PALLD: variants seen among roughly 807,000 people sequenced by gnomAD.
PALLD encodes palladin.
Under a neutral mutation model 123.5 loss-of-function variants are expected in PALLD, and 61 were observed. The observed-to-expected ratio is 0.49, with a 90% CI of 0.40 to 0.61. The LOEUF (loss-of-function observed/expected upper bound fraction) is 0.61, where lower values mean the gene tolerates loss of function less well. Ranked by LOEUF, PALLD falls within the 20% of genes least tolerant of loss-of-function variation. The probability of loss-of-function intolerance (pLI) is 0.00; values close to 1 mark genes in which losing one functional copy is unlikely to be tolerated. For missense variants in PALLD, 1,273 were observed against 1,377.0 expected (o/e 0.92, Z 1.20); for synonymous variants, 465 against 496.4 (o/e 0.94, Z 0.84).
At chr4:168,689,409 C>T (rs1303096963) in intron 6 of PALLD, among the ~76,000 whole-genome samples, 1 of 143,892 alleles carries the variant, frequency 6.9e-6, no homozygotes, top group Non-Finnish European at 1.5e-5. Flanking sequence ...GAGAGTCCTA[C>T]ACCTTACATT....
intron 10 of PALLD, among the ~76,000 whole-genome samples, chr4:168,849,615 G>A (rs367832566): frequency 9.2e-5 from 14 of 152,142 alleles, no homozygotes; most frequent in African/African-American, 2.7e-4. Flanking sequence ...TAATATTCAC[G>A]TTTTATCATT....
At chr4:168,630,256 C>T (rs1378339902) in intron 2 of PALLD, among the ~76,000 whole-genome samples, 2 of 152,152 alleles carry the variant, frequency 1.3e-5, no homozygotes, top group Non-Finnish European at 2.9e-5. Flanking sequence ...GTATTCGGCT[C>T]TTGTTATTCA....
At chr4:168,740,296 G>A (rs1352136072) in intron 10 of PALLD, among the ~76,000 whole-genome samples, 2 of 152,138 alleles carry the variant, frequency 1.3e-5, no homozygotes, top group Non-Finnish European at 2.9e-5. Flanking sequence ...CCTTCTGAAT[G>A]CACTTTTTGA....
chr4:168,878,681 A>AGG (rs141771677), intron 10 of PALLD, among the ~76,000 whole-genome samples: 2 of 112,904 alleles, frequency 1.8e-5, no homozygotes, highest in Admixed American at 8.5e-5. Context: ...CTTAATCATT[A>AGG]TGGGGGGGGG....
At position 168,675,391 on chromosome 4, in the gene PALLD, G is replaced by A. The variant is rs372797547; in HGVS notation, c.1088-5941G>A. 4.6e-4 allele frequency among the ~76,000 whole-genome samples: 70 copies of A among 152,286 alleles called. 1 individual carries two copies. The South Asian group carries it at 0.013, about 29-fold the overall frequency. On this transcript the variant is annotated intron_variant, in intron 3 of 21. Coordinates refer to ENST00000505667, the MANE Select transcript of PALLD (RefSeq NM_001166108.2). ...TGCCCCTTTGAAGTGACATTGTGAA[G>A]CGTGCTGTGATGTGAAATGTGGAAT... is the stretch of plus-strand genomic sequence containing the variant.
At chr4:168,905,790 CTTTTTTTTTTTTT>C (rs59427697) in intron 15 of PALLD, among the ~76,000 whole-genome samples, 18 of 113,132 alleles carry the variant, frequency 1.6e-4, no homozygotes, top group Middle Eastern at 0.011. Context: ...GCTTTTTTTT[CTTTTTTTTTTTTT>C]TTTTTTTCTT....
At chr4:168,690,987 T>C (rs1782567000) in intron 7 of PALLD, among the ~76,000 whole-genome samples, 1 of 152,236 alleles carries the variant, frequency 6.6e-6, no homozygotes, top group Non-Finnish European at 1.5e-5. Context: ...CAAATTTGCA[T>C]GAATAATTTT....
intron 10 of PALLD, among the ~76,000 whole-genome samples, chr4:168,786,540 C>T (rs762127522): frequency 3.1e-4 from 47 of 152,062 alleles, no homozygotes; most frequent in Non-Finnish European, 5.6e-4. Context: ...ATTATCCAGG[C>T]ATGGTGGTTC....
chr4:168,912,463 A>C (rs1759172154), intron 15 of PALLD, among the ~76,000 whole-genome samples: 1 of 152,246 alleles, frequency 6.6e-6, no homozygotes, highest in African/African-American at 2.4e-5. Context: ...AGTGAAAAAA[A>C]CAAATTAAGA....
chr4:168,893,859 G>A (rs1046114684), intron 11 of PALLD, among the ~76,000 whole-genome samples: 1 of 152,254 alleles, frequency 6.6e-6, no homozygotes, highest in Non-Finnish European at 1.5e-5. Context: ...TGGGCAAGCA[G>A]TCTGCTTCTG....
intron 18 of PALLD, 30 bp from the exon 19 acceptor site, chr4:168,924,225 T>C: frequency 6.3e-7 from 1 of 1,596,790 alleles, no homozygotes; most frequent in Non-Finnish European, 8.6e-7. Context: ...TGTATATCAT[T>C]GATAGAGAAT....
At chr4:168,531,287 G>A (rs536206607) in intron 2 of PALLD, among the ~76,000 whole-genome samples, 2 of 152,130 alleles carry the variant, frequency 1.3e-5, no homozygotes, top group Non-Finnish European at 2.9e-5. Context: ...ATTTTAAGCT[G>A]ATGATGATCA....
At position 168,910,260 on chromosome 4, in the gene PALLD, A is replaced by G. The variant is rs1044937953; in HGVS notation, c.2623-3667A>G. 2.3e-4 allele frequency among the ~76,000 whole-genome samples: 32 copies of G among 140,518 alleles called. 1 individual carries two copies. The highest frequency in any genetic ancestry group is 7.9e-4 in the African/African-American group (30 of 37,808). 92.2% of individuals were successfully genotyped at this position (140,518 alleles called of 152,430 possible). A position where few individuals can be genotyped will look rare whatever the true frequency, so the allele number is the denominator to read the frequency against. On this transcript the variant is annotated intron_variant, in intron 15 of 21. Transcript: ENST00000505667. ...TTTTTTTGAGAGGGGAGGAAGAGGC[A>G]GGCTAAGCATATCAAGGATCTGTTT...
intron 2 of PALLD, among the ~76,000 whole-genome samples, chr4:168,645,968 G>A (rs948939789): frequency 6.6e-6 from 1 of 152,152 alleles, no homozygotes; most frequent in African/African-American, 2.4e-5. Flanking sequence ...ATAAATACAA[G>A]GAATTATTAA....
chr4:168,658,716 G>A (rs975584467), intron 2 of PALLD, among the ~76,000 whole-genome samples: 7 of 151,706 alleles, frequency 4.6e-5, no homozygotes, highest in African/African-American at 1.7e-4. Flanking sequence ...AGTTTTATCT[G>A]GGCTGGTCCA....
chr4:168,924,091 C>G (rs1762114207), intron 18 of PALLD, among the ~76,000 whole-genome samples, 164 bp from the exon 19 acceptor site: 1 of 152,132 alleles, frequency 6.6e-6, no homozygotes, highest in South Asian at 2.1e-4. Context: ...CAGACCTTTG[C>G]TTGGTAAAAG....
At chr4:168,883,018 T>C (rs960241299) in intron 10 of PALLD, among the ~76,000 whole-genome samples, 1 of 148,598 alleles carries the variant, frequency 6.7e-6, no homozygotes, top group Non-Finnish European at 1.5e-5. Flanking sequence ...TTGAACACAG[T>C]GGGTGAGGTT....
intron 10 of PALLD, among the ~76,000 whole-genome samples, chr4:168,795,275 T>C (rs1401990929): frequency 6.6e-6 from 1 of 152,228 alleles, no homozygotes; most frequent in Non-Finnish European, 1.5e-5. Flanking sequence ...TTCCTGTCAG[T>C]GTTTTTGGTA....
chr4:168,659,824 A>G (rs1050160073), intron 2 of PALLD, among the ~76,000 whole-genome samples: 1 of 152,230 alleles, frequency 6.6e-6, no homozygotes, highest in Non-Finnish European at 1.5e-5. Context: ...GTGGTTCAAT[A>G]AAATAAAGAT....
Sources: allele counts gnomAD v4.1 joint callset (sites outside exome capture counted in the v4.1 genomes callset), GRCh38; gene constraint gnomAD v4.1.1; transcripts MANE v1.5; gene names NCBI Gene and HGNC (gene_info 2026-07-23, HGNC 2026-07-21).